NUDT3: variants seen among roughly 807,000 people sequenced by gnomAD.
NUDT3 encodes diphosphoinositol polyphosphate phosphohydrolase 1.
In NUDT3, 9 loss-of-function variants were observed where a neutral mutation model predicts 23.6. The observed-to-expected ratio is 0.38, with a 90% CI of 0.23 to 0.66. NUDT3 has a LOEUF of 0.66. Among genes scored for constraint, NUDT3 ranks in the 30% least tolerant of loss-of-function variants. The pLI, the probability that NUDT3 is intolerant of heterozygous loss-of-function variation, is 0.52. For synonymous variants in NUDT3, 86 were observed against 82.6 expected (o/e 1.04, Z -0.22); for missense variants, 172 against 218.5 (o/e 0.79, Z 1.34).
chr6:34,293,647 A>C, intron 3 of NUDT3, 112 bp from the exon 4 acceptor site: 1 of 1,276,040 alleles, frequency 7.8e-7, no homozygotes, highest in South Asian at 1.4e-5. Context: ...CAAAGATTCT[A>C]AACTTTTACT....
At chr6:34,381,083 C>T (rs1413835850) in intron 1 of NUDT3, among the ~76,000 whole-genome samples, 8 of 152,172 alleles carry the variant, frequency 5.3e-5, no homozygotes, top group African/African-American at 1.7e-4. Flanking sequence ...GTGGCACAAC[C>T]ATGACTTACT....
intron 2 of NUDT3, among the ~76,000 whole-genome samples, chr6:34,325,474 G>A (rs1211130212): frequency 6.6e-6 from 1 of 152,220 alleles, no homozygotes; most frequent in Non-Finnish European, 1.5e-5. Flanking sequence ...GCTTCTCAAA[G>A]TGCTGGGATT....
At chr6:34,329,185 C>A (rs6911272) in intron 2 of NUDT3, among the ~76,000 whole-genome samples, 16,264 of 152,120 alleles carry the variant, frequency 0.11, 926 homozygotes, top group Non-Finnish European at 0.12. Flanking sequence ...TCTGGTTGCT[C>A]TGTGTGTGTT....
intron 1 of NUDT3, among the ~76,000 whole-genome samples, chr6:34,389,185 C>T (rs1765155693): frequency 6.6e-6 from 1 of 152,162 alleles, no homozygotes; most frequent in African/African-American, 2.4e-5. Context: ...TAATCCCTCC[C>T]ATGTGTTGAG....
intron 1 of NUDT3, among the ~76,000 whole-genome samples, chr6:34,351,216 A>ACAAAAAAAAAAAAACAAAAAAAAAAAAAC (rs1764467042): frequency 3.8e-5 from 5 of 130,826 alleles, no homozygotes; most frequent in African/African-American, 1.7e-4. Flanking sequence ...AAAAAAAAAA[A>ACAAAAAAAAAAAAACAAAAAAAAAAAAAC]AAAAAAAAAA....
Position 34,351,211 on chromosome 6 carries a change from A to AAC in NUDT3, c.100-9240_100-9239insGT, listed in dbSNP as rs1230377020. Among the ~76,000 whole-genome samples the AAC allele has an allele frequency of 8.7e-4, 117 of 134,632 alleles. 7 individuals are homozygous for AAC. The highest frequency in any genetic ancestry group is 1.5e-3 in the Admixed American group (20 of 13,262). 88.3% of individuals were successfully genotyped at this position (134,632 alleles called of 152,430 possible). ...CACTCCCCTGCCTAAAAAAAAAAAAAAAAAAAAAAAAAAAACACTTTGGGA... is the reference window on the plus strand; with the variant it reads ...CACTCCCCTGCCTAAAAAAAAAAAAAACAAAAAAAAAAAAAAACACTTTGGGA... On this transcript the variant is annotated intron_variant, in intron 1 of 4. Coordinates refer to ENST00000607016, the MANE Select transcript of NUDT3 (RefSeq NM_006703.4).
intron 4 of NUDT3, among the ~76,000 whole-genome samples, chr6:34,291,242 A>C (rs754303594): frequency 2.6e-5 from 4 of 152,020 alleles, no homozygotes; most frequent in Non-Finnish European, 4.4e-5. Context: ...TACAAACGTG[A>C]TCCACCATGC....
chr6:34,325,683 C>T (rs1166497333), intron 2 of NUDT3, among the ~76,000 whole-genome samples: 3 of 152,146 alleles, frequency 2.0e-5, no homozygotes, highest in Admixed American at 2.0e-4. Context: ...CCACTAAATC[C>T]TTTAAAAAGA....
At chr6:34,347,000 C>A (rs559210731) in intron 1 of NUDT3, among the ~76,000 whole-genome samples, 41 of 152,240 alleles carry the variant, frequency 2.7e-4, no homozygotes, top group Non-Finnish European at 5.3e-4. Flanking sequence ...AACTCCTGAC[C>A]TCAAGCAATC....
intron 2 of NUDT3, among the ~76,000 whole-genome samples, chr6:34,323,327 G>T (rs1205996285): frequency 1.3e-5 from 2 of 152,204 alleles, no homozygotes; most frequent in Non-Finnish European, 2.9e-5. Context: ...AGCACTTTGG[G>T]AGGCCAAGGC....
chr6:34,352,294 C>T (rs908452089), intron 1 of NUDT3, among the ~76,000 whole-genome samples: 1 of 152,122 alleles, frequency 6.6e-6, no homozygotes, highest in Non-Finnish European at 1.5e-5. Context: ...CCCACCCACT[C>T]CAGCAGCTGG....
chr6:34,298,718 T>A (rs1264571468), intron 2 of NUDT3, among the ~76,000 whole-genome samples: 1 of 152,168 alleles, frequency 6.6e-6, no homozygotes, highest in Non-Finnish European at 1.5e-5. Context: ...GTAGCTGGGA[T>A]TACAGGTGCA....
At chr6:34,292,799 C>T (rs1483256406) in intron 4 of NUDT3, among the ~76,000 whole-genome samples, 1 of 152,094 alleles carries the variant, frequency 6.6e-6, no homozygotes, top group African/African-American at 2.4e-5. Context: ...TCCCCATGGC[C>T]AGCAGTGAGC....
intron 1 of NUDT3, among the ~76,000 whole-genome samples, chr6:34,358,780 T>G (rs1764602274): frequency 1.3e-5 from 2 of 151,906 alleles, no homozygotes; most frequent in Admixed American, 6.6e-5. Context: ...TCTTCACGGA[T>G]GTATGAATTC....
At chr6:34,388,255 T>C (rs1379335080) in intron 1 of NUDT3, among the ~76,000 whole-genome samples, 3 of 152,198 alleles carry the variant, frequency 2.0e-5, no homozygotes, top group African/African-American at 4.8e-5. Context: ...CATTTCTCAG[T>C]ACGTATCCCC....
intron 1 of NUDT3, among the ~76,000 whole-genome samples, chr6:34,354,027 C>T (rs773334816): frequency 9.2e-5 from 14 of 151,964 alleles, no homozygotes; most frequent in Non-Finnish European, 1.8e-4. Flanking sequence ...CTCAGATTCT[C>T]CTGCCTCAGT....
Position 34,392,634 on chromosome 6 carries a change from C to T in NUDT3, c.-272G>A. 1 of 240,868 alleles carries T rather than the reference C, an allele frequency of 4.2e-6. No homozygotes were observed. Among genetic ancestry groups the T allele is most frequent in the East Asian group, 8.3e-5 (1 of 12,106 alleles). The allele number at this position is 240,868 out of a possible 1,614,324, so 14.9% of individuals were successfully genotyped here. ...TGCCGCCGCCACCCCCGACGACGACCGCGCCGCCATCTTGGGCGCGATGCG... is the reference window on the plus strand; with the variant it reads ...TGCCGCCGCCACCCCCGACGACGACTGCGCCGCCATCTTGGGCGCGATGCG... On this transcript the variant is annotated 5_prime_UTR_variant, in exon 1 of 5. Coordinates refer to ENST00000607016, the MANE Select transcript of NUDT3 (RefSeq NM_006703.4).
At chr6:34,370,314 C>G (rs1243347116) in intron 1 of NUDT3, among the ~76,000 whole-genome samples, 1 of 152,236 alleles carries the variant, frequency 6.6e-6, no homozygotes, top group Non-Finnish European at 1.5e-5. Context: ...GGTCTGACCA[C>G]TTGATGCCAT....
In NUDT3 at chr6:34,282,230, TAA is replaced by T. The variant is rs1349180631; in HGVS notation, c.*6521_*6522del. On this transcript the variant is annotated 3_prime_UTR_variant, in exon 5 of 5. Transcript: ENST00000607016. ...AGAAACTTTTTTTTTGGCAAGATAA[TAA>T]AGAGGTTAAAGAGGCTACGTGGATC... is the stretch of plus-strand genomic sequence containing the variant. The T allele has an allele frequency of 2.6e-5, 4 of 151,998 alleles. No homozygotes were observed. The highest frequency in any genetic ancestry group is 9.7e-5 in the African/African-American group (4 of 41,372). 9.4% of individuals were successfully genotyped at this position (151,998 alleles called of 1,614,324 possible).
Sources: allele counts gnomAD v4.1 joint callset (sites outside exome capture counted in the v4.1 genomes callset), GRCh38; gene constraint gnomAD v4.1.1; transcripts MANE v1.5; gene names NCBI Gene and HGNC (gene_info 2026-07-23, HGNC 2026-07-21).